The following PPP6R2 variants were observed in gnomAD, a reference collection of about 807,000 sequenced individuals.
The protein encoded by PPP6R2 is serine/threonine-protein phosphatase 6 regulatory subunit 2.
Under a neutral mutation model 100.2 loss-of-function variants are expected in PPP6R2, and 62 were observed. That is an observed-to-expected ratio of 0.62 (90% CI 0.50 to 0.76). PPP6R2 has a LOEUF of 0.76. Among genes scored for constraint, PPP6R2 ranks in the 30% least tolerant of loss-of-function variants. The pLI is 0.00. For synonymous variants in PPP6R2, 525 were observed against 514.7 expected, an observed-to-expected ratio of 1.02 and a Z score of -0.27; for missense variants, 1,142 against 1,276.3, an observed-to-expected ratio of 0.89 and a Z score of 1.60.
At chr22:50,347,780 G>T (rs2044122320) in intron 1 of PPP6R2, among the ~76,000 whole-genome samples, 2 of 152,128 alleles carry the variant, frequency 1.3e-5, no homozygotes, top group Admixed American at 6.5e-5. Context: ...GCCTCTCTCT[G>T]CCCTGCTCTT....
chr22:50,444,422 C>T lies in PPP6R2; in HGVS notation c.*175C>T, dbSNP rs2066591522. The T allele has an allele frequency of 1.2e-6, 1 of 812,318 alleles. No individual in the cohort carries two copies. Among genetic ancestry groups the T allele is most frequent in the Non-Finnish European group, 1.9e-6 (1 of 528,026 alleles). 50.3% of individuals were successfully genotyped at this position (812,318 alleles called of 1,614,324 possible). A position where few individuals can be genotyped will look rare whatever the true frequency, so the allele number is the denominator to read the frequency against. ...ACGGCCCAGCTTGCGTCTCTTCTGC[C>T]TGAGTGGGCCTCTCAGGTCACTCGT... On this transcript the variant is annotated 3_prime_UTR_variant, in exon 24 of 24. Transcript: ENST00000612753.
intron 3 of PPP6R2, among the ~76,000 whole-genome samples, chr22:50,403,338 C>T (rs561071839): frequency 1.3e-5 from 2 of 152,334 alleles, no homozygotes; most frequent in South Asian, 4.1e-4. Flanking sequence ...TCCCCCTGCC[C>T]AGCTCACCGG....
chr22:50,438,997 G>A (rs2065010003), intron 19 of PPP6R2, among the ~76,000 whole-genome samples: 1 of 152,214 alleles, frequency 6.6e-6, no homozygotes, highest in South Asian at 2.1e-4. Context: ...CAGCCACGTT[G>A]CCAAGGCTGG....
chr22:50,361,119 T>C (rs1297568406), intron 1 of PPP6R2, among the ~76,000 whole-genome samples: 1 of 152,222 alleles, frequency 6.6e-6, no homozygotes. Context: ...TTCTCAGCTC[T>C]TTGCTGTGAT....
Position 50,436,390 on chromosome 22 carries a change from C to T in PPP6R2, c.1540C>T (p.Arg514Cys), listed in dbSNP as rs746419174. ...IRGLPADCRG[R>C]WESFVEETLT... ...AGGGCTCCCTGCGGACTGCCGTGGC[C>T]GCTGGGAGAGCTTCGTGGAGGAGAC... The change falls in exon 14 of 24, where the codon CGC becomes TGC. Residue 514 changes from arginine to cysteine, a missense_variant. Physicochemically the swap from Arg to Cys is radical, Grantham distance 180 (BLOSUM62 -3). Transcript: ENST00000612753. 2.8e-5 allele frequency: 44 copies of T among 1,586,320 alleles called. No individual in the cohort carries two copies. Among genetic ancestry groups the T allele is most frequent in the Non-Finnish European group, 3.5e-5 (41 of 1,167,698 alleles).
Position 50,414,589 on chromosome 22 carries a change from G to A in PPP6R2, c.452G>A (p.Ser151Asn), listed in dbSNP as rs1256852117. Residue 151 changes from serine (S) to asparagine (N), a missense_variant, in exon 5 of 24, where the codon AGC (serine) becomes AAC (asparagine). This residue lies in a region of PPP6R2 where 592 missense variants were observed against 758.9 expected (regional missense o/e 0.78). Transcript: ENST00000612753. ...TFLKKKDKFI[S>N]LVLKHIGTSA... ...TTGAAGAAGAAGGACAAGTTCATCAGCCTGGTGTTGAAGCACATCGGCACC... is the reference window on the plus strand; with the variant it reads ...TTGAAGAAGAAGGACAAGTTCATCAACCTGGTGTTGAAGCACATCGGCACC... 1.9e-6 allele frequency: 3 copies of A among 1,614,090 alleles called. No homozygotes were observed. Among genetic ancestry groups the A allele is most frequent in the Non-Finnish European group, 2.5e-6 (3 of 1,179,984 alleles).
At chr22:50,437,150 T>G in intron 15 of PPP6R2, 82 bp downstream of exon 15, 2 of 1,293,494 alleles carry the variant, frequency 1.5e-6, no homozygotes, top group Non-Finnish European at 2.2e-6. Flanking sequence ...CAGACGAGTC[T>G]GATGGCATCT....
chr22:50,359,509 G>T (rs2047364983), intron 1 of PPP6R2, among the ~76,000 whole-genome samples: 1 of 149,232 alleles, frequency 6.7e-6, no homozygotes, highest in Non-Finnish European at 1.5e-5. Context: ...GAGCCACCAT[G>T]CCCGGCCTGT....
At chr22:50,424,634 T>C (rs2061822453) in intron 10 of PPP6R2, among the ~76,000 whole-genome samples, 1 of 1,726 alleles carries the variant, frequency 5.8e-4, no homozygotes, top group African/African-American at 4.0e-3. Flanking sequence ...CCTCTTCTTC[T>C]TTTTTTTTTT....
intron 3 of PPP6R2, among the ~76,000 whole-genome samples, chr22:50,406,123 G>A (rs1457014419): frequency 1.4e-5 from 2 of 143,640 alleles, no homozygotes; most frequent in Admixed American, 6.8e-5. Context: ...CCTGGCAGGC[G>A]AGTGTGAAGG....
At chr22:50,339,924 TGG>T (rs2042353116), upstream of PPP6R2, among the ~76,000 whole-genome samples, 5 of 96,378 alleles carry the variant, frequency 5.2e-5, no homozygotes, top group Admixed American at 1.1e-4. Flanking sequence ...GGTGTGTGTG[TGG>T]GGTGTGTGGT....
intron 12 of PPP6R2, among the ~76,000 whole-genome samples, chr22:50,433,922 G>A (rs200098341): frequency 1.0e-4 from 4 of 38,614 alleles, no homozygotes; most frequent in African/African-American, 4.2e-4. Flanking sequence ...GGGCGCAGAC[G>A]CTGGGCAGGG....
At chr22:50,394,932 AAG>A (rs2056459011) in intron 3 of PPP6R2, among the ~76,000 whole-genome samples, 2 of 151,338 alleles carry the variant, frequency 1.3e-5, no homozygotes, top group South Asian at 2.1e-4. Context: ...AAAAAAAAAA[AAG>A]AGTTTTGACT....
At chr22:50,435,510 CAG>C (rs1251286527) in intron 13 of PPP6R2, among the ~76,000 whole-genome samples, 4 of 152,334 alleles carry the variant, frequency 2.6e-5, no homozygotes, top group South Asian at 2.1e-4. Flanking sequence ...GCACAAGTCT[CAG>C]GGGAGCAGGT....
chr22:50,419,285 A>T, intron 7 of PPP6R2, 64 bp from the exon 8 acceptor site: 1 of 1,416,920 alleles, frequency 7.1e-7, no homozygotes, highest in East Asian at 2.3e-5. Context: ...AGGAAGGAGC[A>T]TCCTTGCATC....
chr22:50,421,086 T>C lies in PPP6R2; in HGVS notation c.846-1168T>C, dbSNP rs556106064. Among the ~76,000 whole-genome samples, 188 of 149,584 alleles carry C rather than the reference T, an allele frequency of 1.3e-3. 2 individuals are homozygous for C. Among genetic ancestry groups the C allele is most frequent in the Middle Eastern group, 0.01 (3 of 286 alleles). ...GATAGTGAGGTTGTTAGGACTCTCT[T>C]TCTCTCTCTCTCTCTCTCTCTGTCT... On this transcript the variant is annotated intron_variant, in intron 8 of 23. Transcript: ENST00000612753.
chr22:50,422,149 A>G lies in PPP6R2; in HGVS notation c.846-105A>G, dbSNP rs2061424091. 4.8e-6 allele frequency: 7 copies of G among 1,449,766 alleles called. No individual in the cohort carries two copies. In the East Asian group the frequency reaches 1.6e-4, roughly 34 times the overall value. 89.8% of individuals were successfully genotyped at this position (1,449,766 alleles called of 1,614,324 possible). On this transcript the variant is annotated intron_variant, in intron 8 of 23. Transcript: ENST00000612753. The stretch of plus-strand genomic sequence containing the variant: ...CACTGCTCTAGGGTTTCTTTTTGGG[A>G]AAGTTAAAAGGGCTCTTTCTGGAAG...
intron 3 of PPP6R2, among the ~76,000 whole-genome samples, chr22:50,402,452 G>A (rs531034879): frequency 1.3e-5 from 2 of 151,634 alleles, no homozygotes; most frequent in Non-Finnish European, 2.9e-5. Flanking sequence ...GCCCTGGCCT[G>A]TAAGTTCTCA....
chr22:50,441,058 G>A (rs959761365), intron 22 of PPP6R2, 32 bp downstream of exon 22: 19 of 1,481,306 alleles, frequency 1.3e-5, no homozygotes, highest in East Asian at 4.9e-5. Context: ...CGGGCCTGCC[G>A]GGTGCATAGG....
Sources: allele counts gnomAD v4.1 joint callset (sites outside exome capture counted in the v4.1 genomes callset), GRCh38; gene constraint gnomAD v4.1.1; regional missense constraint gnomAD v4.1.1; transcripts MANE v1.5; gene names NCBI Gene and HGNC (gene_info 2026-07-23, HGNC 2026-07-21).